Variants in KIAA0319 observed in about 807,000 individuals in gnomAD.
The protein encoded by KIAA0319 is dyslexia-associated protein KIAA0319.
Under a neutral mutation model 108.4 loss-of-function variants are expected in KIAA0319, and 83 were observed. That is an observed-to-expected ratio of 0.77 (90% CI 0.64 to 0.92). The LOEUF (loss-of-function observed/expected upper bound fraction) is 0.92, where lower values mean the gene tolerates loss of function less well. Among genes scored for constraint, KIAA0319 ranks in the 40% least tolerant of loss-of-function variants. KIAA0319 has a pLI of 0.00. For synonymous variants in KIAA0319, 484 were observed against 510.4 expected (o/e 0.95, Z 0.70); for missense variants, 1,195 against 1,322.4 (o/e 0.90, Z 1.49).
chr6:24,540,811 C>T (rs547381151), downstream of KIAA0319, among the ~76,000 whole-genome samples: 77 of 152,168 alleles, frequency 5.1e-4, no homozygotes, highest in Non-Finnish European at 6.9e-4. Context: ...TGCAGAGTCC[C>T]GTGTACCCTT....
At chr6:24,578,055 G>T in intron 9 of KIAA0319, 55 bp downstream of exon 9, 4 of 1,525,782 alleles carry the variant, frequency 2.6e-6, no homozygotes, top group Non-Finnish European at 3.5e-6. Context: ...TTAATTTAAA[G>T]AAACAGTCAA....
intron 1 of KIAA0319, among the ~76,000 whole-genome samples, chr6:24,625,023 C>G (rs1387548008): frequency 6.6e-6 from 1 of 152,220 alleles, no homozygotes; most frequent in Non-Finnish European, 1.5e-5. Flanking sequence ...TATAGCTGCA[C>G]CACTGCATGC....
chr6:24,606,747 G>T (rs2127544062), intron 1 of KIAA0319, among the ~76,000 whole-genome samples: 1 of 152,312 alleles, frequency 6.6e-6, no homozygotes. Flanking sequence ...AGCTTAGTGT[G>T]GTCATGTGAT....
intron 1 of KIAA0319, among the ~76,000 whole-genome samples, chr6:24,602,077 G>A (rs1337871657): frequency 5.3e-5 from 8 of 151,676 alleles, no homozygotes; most frequent in African/African-American, 1.7e-4. Context: ...CAGTGCAGTG[G>A]CACAATGTTG....
Position 24,599,073 on chromosome 6 carries a change from G to A in KIAA0319, c.55+1976C>T. 2 of 741,894 alleles carry A rather than the reference G, an allele frequency of 2.7e-6. No individual in the cohort carries two copies. The highest frequency in any genetic ancestry group is 1.5e-5 in the South Asian group (1 of 67,284). 46.0% of individuals were successfully genotyped at this position (741,894 alleles called of 1,614,324 possible). On this transcript the variant is annotated intron_variant, in intron 2 of 20. Coordinates refer to ENST00000378214, the MANE Select transcript of KIAA0319 (RefSeq NM_014809.4). The surrounding 1 kb of genome is among the most constrained non-coding windows in gnomAD (Gnocchi z 4.1). ...CCAGGAGCTGCAGTCCCAGATCTGG[G>A]ACACATCTGTGGTGCTGTCCATGGA...
chr6:24,612,056 AAAAAAG>A (rs1401505441), intron 1 of KIAA0319, among the ~76,000 whole-genome samples: 36 of 147,998 alleles, frequency 2.4e-4, no homozygotes, highest in African/African-American at 9.5e-4. Flanking sequence ...TCAAAAAAAA[AAAAAAG>A]AAAAGAAGAA....
chr6:24,618,118 A>G (rs2127565079), intron 1 of KIAA0319, among the ~76,000 whole-genome samples: 1 of 152,306 alleles, frequency 6.6e-6, no homozygotes, highest in South Asian at 2.1e-4. Context: ...AGAATTGGCA[A>G]CCATAGGTTT....
chr6:24,638,115 C>G (rs1776434609), intron 1 of KIAA0319, among the ~76,000 whole-genome samples: 3 of 151,772 alleles, frequency 2.0e-5, no homozygotes, highest in Non-Finnish European at 4.4e-5. Flanking sequence ...CAAACAGAAG[C>G]AAGAACTGAA....
chr6:24,582,659 T>TAAAA (rs3840134), intron 5 of KIAA0319, among the ~76,000 whole-genome samples: 5 of 144,086 alleles, frequency 3.5e-5, no homozygotes, highest in African/African-American at 1.3e-4. Context: ...TGTATAAAGT[T>TAAAA]AAAAAAAAAA....
At chr6:24,559,579 T>C (rs1043539241) in intron 16 of KIAA0319, among the ~76,000 whole-genome samples, 18 of 150,730 alleles carry the variant, frequency 1.2e-4, no homozygotes, top group African/African-American at 4.4e-4. Flanking sequence ...TGTTCATTTG[T>C]ATCCTTTAAT....
chr6:24,591,685 C>T (rs1768493780), intron 3 of KIAA0319, among the ~76,000 whole-genome samples: 1 of 152,200 alleles, frequency 6.6e-6, no homozygotes, highest in Admixed American at 6.6e-5. Context: ...AATTTCTCTG[C>T]ATCCTTACTA....
intron 10 of KIAA0319, among the ~76,000 whole-genome samples, chr6:24,575,258 A>C (rs150705174): frequency 5.1e-4 from 78 of 152,322 alleles, no homozygotes; most frequent in African/African-American, 1.9e-3. Context: ...CAAGGCTCAC[A>C]GTGTGGCCCA....
chr6:24,608,398 A>G (rs1262496478), intron 1 of KIAA0319, among the ~76,000 whole-genome samples: 1 of 152,104 alleles, frequency 6.6e-6, no homozygotes, highest in Non-Finnish European at 1.5e-5. Context: ...TATTTGGGTG[A>G]ATGAAAAACT....
At position 24,578,159 on chromosome 6, in the gene KIAA0319, A is replaced by G. The variant is rs1387059123; in HGVS notation, c.1456T>C (p.Ser486Pro). 1 of 1,613,394 alleles carries G rather than the reference A, an allele frequency of 6.2e-7. No individual in the cohort carries two copies. The highest frequency in any genetic ancestry group is 8.5e-7 in the Non-Finnish European group (1 of 1,179,480). ...PFIEEKTSVDSPVLRLSNLDP... is the reference protein window; with the variant it reads ...PFIEEKTSVDPPVLRLSNLDP... ...AGGTTAGACAAGCGTAAGACGGGAG[A>G]GTCAACTGAAGTCTTCTCTTCTATG... Residue 486 changes from serine (S) to proline (P), a missense_variant, in exon 9 of 21, where the codon TCT (serine) becomes CCT (proline). Coordinates refer to ENST00000378214, the MANE Select transcript of KIAA0319 (RefSeq NM_014809.4).
chr6:24,633,476 A>G (rs2127590477), intron 1 of KIAA0319, among the ~76,000 whole-genome samples: 1 of 152,302 alleles, frequency 6.6e-6, no homozygotes, highest in East Asian at 1.9e-4. Context: ...GAGTGAATTA[A>G]GGGCCAGGCT....
At chr6:24,627,893 C>T (rs2143342) in intron 1 of KIAA0319, among the ~76,000 whole-genome samples, 107,410 of 151,866 alleles carry the variant, frequency 0.71, 38,632 homozygotes, top group East Asian at 0.87. Flanking sequence ...AATTATTAAA[C>T]TACTCAAATA....
intron 17 of KIAA0319, among the ~76,000 whole-genome samples, chr6:24,557,256 CT>C (rs1762435463): frequency 1.3e-5 from 2 of 151,906 alleles, no homozygotes; most frequent in Admixed American, 6.6e-5. Context: ...AATCCCGGCA[CT>C]TTGGGAAGCC....
At position 24,596,347 on chromosome 6, in the gene KIAA0319, C is replaced by A; in HGVS notation, c.327G>T (p.Arg109Ser). 1 of 1,614,216 alleles carries A rather than the reference C, an allele frequency of 6.2e-7. No homozygotes were observed. Among genetic ancestry groups the A allele is most frequent in the Non-Finnish European group, 8.5e-7 (1 of 1,180,032 alleles). ...YLTFVLRPVQ[R>S]PAQLLDYGDM... ...CCCCATAGTCCAGCAGCTGTGCAGG[C>A]CTCTGAACAGGCCGGAGCACAAAAG... is the stretch of plus-strand genomic sequence containing the variant. Residue 109 changes from arginine to serine, a missense_variant, in exon 3 of 21, where the codon AGG (arginine) becomes AGT (serine). Transcript: ENST00000378214.
At chr6:24,588,199 A>G (rs149956787) in intron 4 of KIAA0319, among the ~76,000 whole-genome samples, 42 of 152,338 alleles carry the variant, frequency 2.8e-4, no homozygotes, top group Non-Finnish European at 4.7e-4. Flanking sequence ...GATTGTTATG[A>G]AACATGTTGC....
Sources: gnomAD v4.1 joint callset for allele counts (sites outside exome capture counted in the v4.1 genomes callset) on GRCh38, gnomAD v4.1.1 for gene constraint, Gnocchi (gnomAD v3.1) non-coding constraint, MANE v1.5 for transcripts, NCBI Gene and HGNC (gene_info 2026-07-23, HGNC 2026-07-21) for gene names.